The following PRKCE variants were observed in gnomAD, a reference collection of about 807,000 sequenced individuals.
The protein encoded by PRKCE is protein kinase C epsilon type.
Under a neutral mutation model 85.4 loss-of-function variants are expected in PRKCE, and 16 were observed. That is an observed-to-expected ratio of 0.19 (90% CI 0.13 to 0.28). The LOEUF is 0.28. PRKCE is among the 10% of genes least tolerant of loss of function. PRKCE has a pLI of 1.00. For missense variants in PRKCE, 573 were observed against 975.2 expected (o/e 0.59, Z 5.49); for synonymous variants, 388 against 371.5 (o/e 1.04, Z -0.51).
chr2:46,078,949 C>G (rs910697124), intron 10 of PRKCE: 1 of 152,206 alleles, frequency 6.6e-6, no homozygotes, highest in South Asian at 2.1e-4. Context: ...GAGGCCGAAG[C>G]AAGTGGATCA....
At chr2:46,027,257 C>T (rs1707184567) in intron 10 of PRKCE, among the ~76,000 whole-genome samples, 1 of 152,050 alleles carries the variant, frequency 6.6e-6, no homozygotes, top group African/African-American at 2.4e-5. Flanking sequence ...GTAGGTTGAG[C>T]CCAGGAGGTT....
chr2:45,717,841 G>A (rs989599547), intron 1 of PRKCE, among the ~76,000 whole-genome samples: 2 of 152,184 alleles, frequency 1.3e-5, no homozygotes, highest in Non-Finnish European at 2.9e-5. Context: ...GGCAGAGGAC[G>A]GGGTAGAGGA....
intron 11 of PRKCE, among the ~76,000 whole-genome samples, chr2:46,087,357 A>G (rs1669746634): frequency 6.6e-6 from 1 of 152,138 alleles, no homozygotes; most frequent in Admixed American, 6.5e-5. Context: ...CAGTTGCCTT[A>G]TATAAAGGTT....
intron 2 of PRKCE, among the ~76,000 whole-genome samples, chr2:45,882,985 C>G (rs1278769310): frequency 1.3e-5 from 2 of 152,232 alleles, no homozygotes; most frequent in Non-Finnish European, 2.9e-5. Context: ...AACCACACTC[C>G]CCGCAGCAAT....
At position 45,652,095 on chromosome 2, in the gene PRKCE, C is replaced by T. The variant is rs900931286; in HGVS notation, c.-6C>T. On this transcript the variant is annotated 5_prime_UTR_variant, in exon 1 of 15. Coordinates refer to ENST00000306156, the MANE Select transcript of PRKCE (RefSeq NM_005400.3). This position sits in a 1 kb window ranked among gnomAD's most constrained non-coding sequence, Gnocchi z 7.7. ...GTGACCCCGGCCCCCACTCCCCGCC[C>T]CGACCATGGTAGTGTTCAATGGCCT... The T allele has an allele frequency of 2.0e-6, 3 of 1,534,412 alleles. No homozygotes were observed. The highest frequency in any genetic ancestry group is 1.4e-5 in the African/African-American group (1 of 72,516).
chr2:45,867,574 C>G (rs1463908178), intron 2 of PRKCE, among the ~76,000 whole-genome samples: 2 of 152,138 alleles, frequency 1.3e-5, no homozygotes, highest in Non-Finnish European at 2.9e-5. Flanking sequence ...TGAAAGTGAT[C>G]ACGATGAGAG....
chr2:45,879,451 C>T (rs546013402), intron 2 of PRKCE, among the ~76,000 whole-genome samples: 10 of 152,268 alleles, frequency 6.6e-5, no homozygotes, highest in South Asian at 2.1e-4. Flanking sequence ...TCACACTGAC[C>T]GTCTCCCCTT....
At chr2:45,948,830 T>C (rs1700418111) in intron 2 of PRKCE, among the ~76,000 whole-genome samples, 1 of 152,224 alleles carries the variant, frequency 6.6e-6, no homozygotes, top group African/African-American at 2.4e-5. Flanking sequence ...ATGTTTGTTT[T>C]GTGAATTTTA....
chr2:45,654,422 C>T (rs1394825611), intron 1 of PRKCE, among the ~76,000 whole-genome samples: 1 of 152,220 alleles, frequency 6.6e-6, no homozygotes, highest in African/African-American at 2.4e-5. Flanking sequence ...GCAAGTTTTA[C>T]AGATGAGGAC....
chr2:45,996,936 C>A (rs1031056642), intron 6 of PRKCE, among the ~76,000 whole-genome samples: 1 of 152,056 alleles, frequency 6.6e-6, no homozygotes, highest in Admixed American at 6.5e-5. Flanking sequence ...GCAGAATTCA[C>A]CATTTGGGCC....
chr2:45,724,703 T>G (rs1026299697), intron 1 of PRKCE, among the ~76,000 whole-genome samples: 1 of 152,166 alleles, frequency 6.6e-6, no homozygotes, highest in African/African-American at 2.4e-5. Flanking sequence ...AAAGTTTGAG[T>G]GGTCTGGATA....
At chr2:45,679,598 A>T (rs1253683300) in intron 1 of PRKCE, among the ~76,000 whole-genome samples, 2 of 152,194 alleles carry the variant, frequency 1.3e-5, no homozygotes, top group Non-Finnish European at 2.9e-5. Flanking sequence ...ATAGTTATGA[A>T]GCCTTTTCAG....
chr2:45,842,960 C>T, intron 1 of PRKCE, 40 bp from the exon 2 acceptor site: 1 of 1,590,528 alleles, frequency 6.3e-7, no homozygotes, highest in Non-Finnish European at 8.6e-7. Context: ...GTTGCCCACA[C>T]AATGCACTAA....
At chr2:45,997,556 TA>T (rs1456224203) in intron 6 of PRKCE, among the ~76,000 whole-genome samples, 9 of 152,080 alleles carry the variant, frequency 5.9e-5, no homozygotes, top group Non-Finnish European at 5.9e-5. Context: ...TTTATTTATT[TA>T]TTTTTTTGAG....
chr2:46,107,129 C>A (rs1384758095), intron 11 of PRKCE, among the ~76,000 whole-genome samples: 1 of 152,118 alleles, frequency 6.6e-6, no homozygotes, highest in Non-Finnish European at 1.5e-5. Context: ...GCTGAAAAAC[C>A]CCCTGTGCTT....
At chr2:45,737,452 G>A (rs1180884699) in intron 1 of PRKCE, among the ~76,000 whole-genome samples, 2 of 152,188 alleles carry the variant, frequency 1.3e-5, no homozygotes, top group Admixed American at 6.5e-5. Flanking sequence ...TTGTGCGGGT[G>A]GGAACAGTGT....
At position 46,135,746 on chromosome 2, in the gene PRKCE, CTTTTTT is replaced by C. The variant is rs11417233; in HGVS notation, c.1593-9325_1593-9320del. Among the ~76,000 whole-genome samples, 12 of 20,666 alleles carry C rather than the reference CTTTTTT, an allele frequency of 5.8e-4. 1 individual carries two copies. The South Asian group carries it at 0.013, about 22-fold the overall frequency. 13.6% of individuals were successfully genotyped at this position (20,666 alleles called of 152,430 possible). A position where few individuals can be genotyped will look rare whatever the true frequency, so the allele number is the denominator to read the frequency against. On this transcript the variant is annotated intron_variant, in intron 11 of 14. Coordinates refer to ENST00000306156, the MANE Select transcript of PRKCE (RefSeq NM_005400.3). ...ACCTTGGGTTCAGAAACAAATTATG[CTTTTTT>C]TTTTTTTTTTTTTTTTTTTTTAATG...
intron 7 of PRKCE, among the ~76,000 whole-genome samples, chr2:46,002,871 A>T (rs1328742949): frequency 6.6e-6 from 1 of 152,246 alleles, no homozygotes; most frequent in Non-Finnish European, 1.5e-5. Context: ...CATGGTTTTT[A>T]TTCTTGTCTA....
At chr2:45,898,627 C>T (rs1378731093) in intron 2 of PRKCE, among the ~76,000 whole-genome samples, 1 of 152,162 alleles carries the variant, frequency 6.6e-6, no homozygotes, top group Non-Finnish European at 1.5e-5. Context: ...CTATATAAAA[C>T]ATGAAGCTGG....
Sources: allele counts gnomAD v4.1 joint callset (sites outside exome capture counted in the v4.1 genomes callset), GRCh38; gene constraint gnomAD v4.1.1; non-coding constraint Gnocchi (gnomAD v3.1); transcripts MANE v1.5; gene names NCBI Gene and HGNC (gene_info 2026-07-23, HGNC 2026-07-21).